The following PLXDC2 variants were observed in gnomAD, a reference collection of about 807,000 sequenced individuals.
PLXDC2 encodes plexin domain-containing protein 2.
PLXDC2 carries 40 observed loss-of-function variants against 68.9 expected under a neutral mutation model. The observed-to-expected ratio is 0.58, with a 90% CI of 0.45 to 0.76. The LOEUF (loss-of-function observed/expected upper bound fraction) is 0.76. Among genes scored for constraint, PLXDC2 ranks in the 30% least tolerant of loss-of-function variants. PLXDC2 has a pLI of 0.00. For missense variants in PLXDC2, 644 were observed against 661.9 expected, an observed-to-expected ratio of 0.97 and a Z score of 0.30; for synonymous variants, 243 against 234.2, an observed-to-expected ratio of 1.04 and a Z score of -0.34.
chr10:20,191,950 A>G (rs1285498333), intron 9 of PLXDC2, among the ~76,000 whole-genome samples: 1 of 152,012 alleles, frequency 6.6e-6, no homozygotes, highest in Non-Finnish European at 1.5e-5. Context: ...TGTATTTACT[A>G]TGTGCCACAC....
At chr10:20,161,794 G>A (rs539849198) in intron 6 of PLXDC2, among the ~76,000 whole-genome samples, 2 of 152,192 alleles carry the variant, frequency 1.3e-5, no homozygotes, top group Non-Finnish European at 2.9e-5. Context: ...CAATTTGGGA[G>A]GCCGAGGTGG....
intron 4 of PLXDC2, among the ~76,000 whole-genome samples, chr10:20,121,963 T>A (rs1365467107): frequency 6.6e-6 from 1 of 151,934 alleles, no homozygotes; most frequent in East Asian, 1.9e-4. Context: ...AAGGGGTGCA[T>A]GATCGGTTGC....
At chr10:19,908,393 C>T (rs1421157227) in intron 1 of PLXDC2, among the ~76,000 whole-genome samples, 2 of 151,986 alleles carry the variant, frequency 1.3e-5, no homozygotes, top group Non-Finnish European at 2.9e-5. Flanking sequence ...CAAAATATCA[C>T]AAGTATTTTC....
intron 4 of PLXDC2, among the ~76,000 whole-genome samples, chr10:20,117,581 C>T (rs959642452): frequency 2.0e-5 from 3 of 151,948 alleles, no homozygotes; most frequent in African/African-American, 2.4e-5. Flanking sequence ...ACAAGTTGAC[C>T]GATGAATCAG....
chr10:20,182,869 G>A lies in PLXDC2; in HGVS notation c.1061+5460G>A, dbSNP rs533976758. On this transcript the variant is annotated intron_variant, in intron 9 of 13. Coordinates refer to ENST00000377252, the MANE Select transcript of PLXDC2 (RefSeq NM_032812.9). ...CTTGTCCCCTACTCCCTGACAGGCC[G>A]TGGTGTGTGATGTTCCCCTCCCTGT... Among the ~76,000 whole-genome samples the A allele has an allele frequency of 7.2e-5, 11 of 151,834 alleles. No homozygotes were observed. In the South Asian group the frequency reaches 1.0e-3, roughly 14 times the overall value.
intron 1 of PLXDC2, among the ~76,000 whole-genome samples, chr10:19,879,274 G>A (rs1038610826): frequency 1.3e-5 from 2 of 152,124 alleles, no homozygotes; most frequent in Admixed American, 1.3e-4. Flanking sequence ...TTAGGCTCTG[G>A]TTAGATTTGA....
At chr10:19,839,530 T>A (rs2131316578) in intron 1 of PLXDC2, among the ~76,000 whole-genome samples, 1 of 152,280 alleles carries the variant, frequency 6.6e-6, no homozygotes, top group African/African-American at 2.4e-5. Context: ...TGATTCCAAG[T>A]TTCATGAATT....
intron 1 of PLXDC2, among the ~76,000 whole-genome samples, chr10:19,962,907 G>A (rs907506549): frequency 4.0e-5 from 6 of 149,012 alleles, no homozygotes; most frequent in South Asian, 2.1e-4. Flanking sequence ...GGAGAATGGC[G>A]TGAACCTGGG....
chr10:20,023,352 T>C (rs1321411760), intron 2 of PLXDC2, among the ~76,000 whole-genome samples: 1 of 152,102 alleles, frequency 6.6e-6, no homozygotes, highest in East Asian at 1.9e-4. Context: ...CATAAATACC[T>C]TATAAGTATG....
chr10:19,907,798 G>C (rs578059423), intron 1 of PLXDC2, among the ~76,000 whole-genome samples: 1 of 152,044 alleles, frequency 6.6e-6, no homozygotes, highest in Non-Finnish European at 1.5e-5. Flanking sequence ...AAGGGGTATC[G>C]GACTGGCTAA....
At chr10:20,234,418 A>G (rs867719781) in intron 12 of PLXDC2, among the ~76,000 whole-genome samples, 15 of 152,142 alleles carry the variant, frequency 9.9e-5, no homozygotes, top group Admixed American at 3.9e-4. Context: ...ATACAGCTTT[A>G]TAATATCCAT....
At chr10:20,251,916 T>C (rs183656643) in intron 13 of PLXDC2, among the ~76,000 whole-genome samples, 48 of 150,154 alleles carry the variant, frequency 3.2e-4, no homozygotes, top group African/African-American at 1.0e-3. Flanking sequence ...CCTTGGAAAA[T>C]AGATTCTATG....
chr10:19,873,834 G>A (rs1837586642), intron 1 of PLXDC2, among the ~76,000 whole-genome samples: 1 of 152,102 alleles, frequency 6.6e-6, no homozygotes, highest in African/African-American at 2.4e-5. Context: ...GCAGTATTTG[G>A]TACTCCCTAA....
chr10:20,238,666 T>A lies in PLXDC2; in HGVS notation c.1313-6679T>A, dbSNP rs867774911. Among the ~76,000 whole-genome samples the A allele has an allele frequency of 1.6e-3, 51 of 31,842 alleles. 3 individuals carry two copies. The highest frequency in any genetic ancestry group is 4.0e-3 in the African/African-American group (45 of 11,124). 20.9% of individuals were successfully genotyped at this position (31,842 alleles called of 152,430 possible). A position where few individuals can be genotyped will look rare whatever the true frequency, so the allele number is the denominator to read the frequency against. On this transcript the variant is annotated intron_variant, in intron 12 of 13. Coordinates refer to ENST00000377252, the MANE Select transcript of PLXDC2 (RefSeq NM_032812.9). ...GAAAGACTCCATCTCAAAAAAAATA[T>A]ATATATATATGTATATATATATATA... is the stretch of plus-strand genomic sequence containing the variant.
chr10:20,069,884 G>A (rs952422789), intron 4 of PLXDC2, among the ~76,000 whole-genome samples: 2 of 152,038 alleles, frequency 1.3e-5, no homozygotes, highest in African/African-American at 2.4e-5. Flanking sequence ...ATAAGCTATG[G>A]GTTTCCAGGG....
intron 4 of PLXDC2, among the ~76,000 whole-genome samples, chr10:20,134,361 T>C (rs978196716): frequency 2.0e-5 from 3 of 152,222 alleles, no homozygotes; most frequent in Non-Finnish European, 2.9e-5. Context: ...TATGTACTGA[T>C]GTTGACAAAG....
intron 1 of PLXDC2, among the ~76,000 whole-genome samples, chr10:19,947,707 C>CTTTTT (rs34439585): frequency 4.1e-4 from 50 of 120,950 alleles, no homozygotes; most frequent in African/African-American, 9.3e-4. Context: ...TTCTTTCTTT[C>CTTTTT]TTTTTTTTTT....
intron 1 of PLXDC2, among the ~76,000 whole-genome samples, chr10:19,853,870 TGTCTCTTTG>T (rs888502192): frequency 3.9e-5 from 6 of 152,214 alleles, no homozygotes; most frequent in Non-Finnish European, 7.3e-5. Context: ...CCATCTTTTG[TGTCTCTTTG>T]GTCCAAATTT....
chr10:20,046,805 T>C, intron 2 of PLXDC2, 64 bp from the exon 3 acceptor site: 1 of 1,481,784 alleles, frequency 6.7e-7, no homozygotes, highest in Non-Finnish European at 9.1e-7. Context: ...CAATAGGATT[T>C]TTTTTAAAGA....
Sources: allele counts gnomAD v4.1 joint callset (sites outside exome capture counted in the v4.1 genomes callset), GRCh38; gene constraint gnomAD v4.1.1; transcripts MANE v1.5; gene names NCBI Gene and HGNC (gene_info 2026-07-23, HGNC 2026-07-21).